Variants in MARCHF1 observed in about 807,000 individuals in gnomAD.
MARCHF1 encodes membrane associated ring-CH-type finger 1.
MARCHF1 carries 40 observed loss-of-function variants against 54.2 expected under a neutral mutation model. The ratio of observed to expected loss-of-function variants is 0.74; its 90% CI spans 0.57 to 0.96. MARCHF1 has a LOEUF of 0.96. MARCHF1 is among the 40% of genes least tolerant of loss of function. The pLI, the probability that MARCHF1 is intolerant of heterozygous loss-of-function variation, is 0.00. For synonymous variants in MARCHF1, 236 were observed against 236.3 expected (o/e 1.00, Z 0.01); for missense variants, 586 against 656.5 (o/e 0.89, Z 1.17).
intron 2 of MARCHF1, among the ~76,000 whole-genome samples, chr4:164,049,737 A>G (rs768373609): frequency 5.9e-5 from 9 of 152,200 alleles, no homozygotes; most frequent in Non-Finnish European, 1.2e-4. Flanking sequence ...TCACCATACA[A>G]TTCTTGTCAT....
intron 3 of MARCHF1, among the ~76,000 whole-genome samples, chr4:163,948,555 A>C (rs1351161998): frequency 6.6e-6 from 1 of 152,212 alleles, no homozygotes; most frequent in Non-Finnish European, 1.5e-5. Flanking sequence ...TTAAAGACTG[A>C]TCGAGGATAG....
intron 2 of MARCHF1, among the ~76,000 whole-genome samples, chr4:164,073,414 C>T (rs1754910366): frequency 6.6e-6 from 1 of 152,044 alleles, no homozygotes. Flanking sequence ...CCAAACACTG[C>T]ATGTTCTCAC....
intron 3 of MARCHF1, among the ~76,000 whole-genome samples, chr4:163,962,053 G>A (rs908149173): frequency 5.3e-5 from 8 of 151,856 alleles, no homozygotes; most frequent in African/African-American, 1.9e-4. Context: ...ACTCTAACTT[G>A]CAAAAATAGA....
chr4:163,946,459 T>C (rs1428909372), intron 3 of MARCHF1, among the ~76,000 whole-genome samples: 1 of 152,168 alleles, frequency 6.6e-6, no homozygotes, highest in Admixed American at 6.5e-5. Flanking sequence ...TATACCTTGG[T>C]CTATTGTATT....
intron 1 of MARCHF1, among the ~76,000 whole-genome samples, chr4:164,284,334 C>CAG (rs139533400): frequency 0.065 from 7,582 of 117,488 alleles, 294 homozygotes; most frequent in Middle Eastern, 0.081. Flanking sequence ...GAGAGAGAGA[C>CAG]AGAGAGAGAG....
At position 163,593,860 on chromosome 4, in the gene MARCHF1, T is replaced by G. The variant is rs750443951; in HGVS notation, c.1011-7931A>C. Among the ~76,000 whole-genome samples, 7 of 152,238 alleles carry G rather than the reference T, an allele frequency of 4.6e-5. 1 individual carries two copies. The highest frequency in any genetic ancestry group is 4.4e-5 in the Non-Finnish European group (3 of 68,032). On this transcript the variant is annotated intron_variant, in intron 7 of 9. Transcript: ENST00000514618. ...ACATTGAGTGAAGAATGATCAACTT[T>G]TATTCATTTATTCACTCATTCATTC...
At chr4:163,961,410 A>G (rs954137984) in intron 3 of MARCHF1, among the ~76,000 whole-genome samples, 1 of 152,024 alleles carries the variant, frequency 6.6e-6, no homozygotes, top group South Asian at 2.1e-4. Flanking sequence ...TAAAAGTCAA[A>G]TATACTTCCT....
intron 1 of MARCHF1, among the ~76,000 whole-genome samples, chr4:164,351,768 T>A (rs947684338): frequency 2.0e-5 from 3 of 152,244 alleles, no homozygotes; most frequent in Middle Eastern, 3.4e-3. Flanking sequence ...GGAGAATGAC[T>A]TTGATGAGCT....
intron 1 of MARCHF1, among the ~76,000 whole-genome samples, chr4:164,176,989 TATATATATATATATATATATAC>T (rs1353258816): frequency 7.9e-5 from 6 of 75,762 alleles, no homozygotes; most frequent in African/African-American, 4.4e-4. Flanking sequence ...TCTATATATA[TATATATATATATATATATATAC>T]AAATGATAGA....
At chr4:163,893,590 C>A (rs764573179) in intron 3 of MARCHF1, among the ~76,000 whole-genome samples, 2 of 152,084 alleles carry the variant, frequency 1.3e-5, no homozygotes, top group Non-Finnish European at 2.9e-5. Flanking sequence ...GGAAAGGGAA[C>A]TCAAGTAAAT....
At chr4:163,664,685 G>T (rs1743469545) in intron 5 of MARCHF1, among the ~76,000 whole-genome samples, 1 of 151,744 alleles carries the variant, frequency 6.6e-6, no homozygotes, top group African/African-American at 2.4e-5. Context: ...TTATATATAG[G>T]GCTTAGGACA....
intron 3 of MARCHF1, among the ~76,000 whole-genome samples, chr4:163,982,957 T>TTGTG (rs1752791802): frequency 6.6e-6 from 1 of 152,188 alleles, no homozygotes; most frequent in Non-Finnish European, 1.5e-5. Context: ...AGACAGAGTA[T>TTGTG]TGTGATACAC....
chr4:163,613,554 G>C, intron 5 of MARCHF1, 161 bp from the exon 6 acceptor site: 1 of 1,539,910 alleles, frequency 6.5e-7, no homozygotes, highest in Non-Finnish European at 8.7e-7. Flanking sequence ...GGTTGGTTTT[G>C]CAAAAGTAAA....
At chr4:164,040,011 A>T (rs1230351643) in intron 2 of MARCHF1, among the ~76,000 whole-genome samples, 1 of 147,168 alleles carries the variant, frequency 6.8e-6, no homozygotes, top group Non-Finnish European at 1.5e-5. Flanking sequence ...TATATATAAT[A>T]TATATACAAG....
intron 5 of MARCHF1, among the ~76,000 whole-genome samples, chr4:163,627,726 A>G (rs1231123649): frequency 2.0e-5 from 3 of 152,200 alleles, no homozygotes; most frequent in Non-Finnish European, 4.4e-5. Context: ...TAAAACCATA[A>G]AATACAATCT....
rs146640149 is a variant in MARCHF1 at position 164,350,854 on chromosome 4, C to G, written c.-323+33016G>C. 4.3e-4 allele frequency among the ~76,000 whole-genome samples: 22 copies of G among 51,178 alleles called. 1 individual carries two copies. Among genetic ancestry groups the G allele is most frequent in the South Asian group, 1.5e-3 (3 of 2,036 alleles). The allele number at this position is 51,178 out of a possible 152,430, so 33.6% of individuals were successfully genotyped here. ...TTCTGCATTTCCATCTGAGGTACCG[C>G]ATTCATCTCACTAGGGAGTGCCAGA... On this transcript the variant is annotated intron_variant, in intron 1 of 9. Transcript: ENST00000514618.
intron 3 of MARCHF1, among the ~76,000 whole-genome samples, chr4:163,959,009 G>A (rs1293219652): frequency 6.6e-6 from 1 of 151,786 alleles, no homozygotes; most frequent in Non-Finnish European, 1.5e-5. Flanking sequence ...GCAATTTGAA[G>A]AAAAACTGAG....
intron 2 of MARCHF1, among the ~76,000 whole-genome samples, chr4:164,032,181 C>T (rs1753891517): frequency 6.6e-6 from 1 of 151,978 alleles, no homozygotes. Flanking sequence ...TGGTGATATC[C>T]CCTTTAGCAT....
At chr4:164,124,488 C>A (rs1384520540) in intron 1 of MARCHF1, among the ~76,000 whole-genome samples, 2 of 152,162 alleles carry the variant, frequency 1.3e-5, no homozygotes, top group African/African-American at 4.8e-5. Flanking sequence ...ATGTTTGCTG[C>A]AGCAGTGTTT....
Sources: gnomAD v4.1 joint callset for allele counts (sites outside exome capture counted in the v4.1 genomes callset) on GRCh38, gnomAD v4.1.1 for gene constraint, MANE v1.5 for transcripts, NCBI Gene and HGNC (gene_info 2026-07-23, HGNC 2026-07-21) for gene names.